The following MIS18A variants were observed in gnomAD, a reference collection of about 807,000 sequenced individuals.
The protein encoded by MIS18A is MIS18 kinetochore protein A, also known as protein Mis18-alpha.
MIS18A carries 14 observed loss-of-function variants against 25.0 expected under a neutral mutation model. The ratio of observed to expected loss-of-function variants is 0.56; its 90% confidence interval spans 0.37 to 0.88. MIS18A has a LOEUF of 0.88. Among genes scored for constraint, MIS18A ranks in the 40% least tolerant of loss-of-function variants. The probability of loss-of-function intolerance (pLI) is 0.00; values close to 1 mark genes in which losing one functional copy is unlikely to be tolerated. For synonymous variants in MIS18A, 134 were observed against 118.6 expected (o/e 1.13, Z -0.84); for missense variants, 292 against 290.8 (o/e 1.00, Z -0.03).
At chr21:32,240,581 T>G in the MIS18A span, among the ~76,000 whole-genome samples, 10 of 152,234 alleles carry the variant, frequency 6.6e-5, no homozygotes, top group African/African-American at 2.2e-4. Context: ...ACAGCCAGAC[T>G]TGGTTTCTTC....
At position 32,278,802 on chromosome 21, in the gene MIS18A, C is replaced by G; in HGVS notation, c.213G>C (p.Glu71Asp). The G allele has an allele frequency of 6.3e-7, 1 of 1,591,048 alleles. No individual in the cohort carries two copies. The highest frequency in any genetic ancestry group is 8.5e-7 in the Non-Finnish European group (1 of 1,171,716). ...VADMERAQLE[E>D]EAAAAEERPL... is the part of the protein sequence containing the mutation. ...GCCTCTCCTCCGCAGCCGCCGCCTCCTCCTCCAGCTGCGCCCTCTCCATGT... is the reference window on the plus strand; with the variant it reads ...GCCTCTCCTCCGCAGCCGCCGCCTCGTCCTCCAGCTGCGCCCTCTCCATGT... Residue 71 changes from glutamate (E) to aspartate (D), a missense_variant, in exon 1 of 5, where the codon GAG becomes GAC. Transcript: ENST00000290130.
At chr21:32,244,562 C>T in the MIS18A span, among the ~76,000 whole-genome samples, 4 of 152,110 alleles carry the variant, frequency 2.6e-5, no homozygotes, top group Non-Finnish European at 5.9e-5. Flanking sequence ...CATAGTGAAA[C>T]CTCATCTTTA....
chr21:32,174,006 C>G, the MIS18A span, among the ~76,000 whole-genome samples: 1 of 114,386 alleles, frequency 8.7e-6, no homozygotes, highest in Non-Finnish European at 1.6e-5. Flanking sequence ...CACTCTGTTA[C>G]CAGGCTGGAG....
chr21:32,256,370 C>T, the MIS18A span, among the ~76,000 whole-genome samples: 4 of 152,144 alleles, frequency 2.6e-5, no homozygotes, highest in East Asian at 1.9e-4. Flanking sequence ...CATTCCCACC[C>T]GACTCAGTTT....
the MIS18A span, among the ~76,000 whole-genome samples, chr21:32,176,410 C>T: frequency 1.3e-5 from 2 of 152,130 alleles, no homozygotes; most frequent in Non-Finnish European, 2.9e-5. Flanking sequence ...TGCAAACTAT[C>T]ATTGACCAAA....
At position 32,279,021 on chromosome 21, in the gene MIS18A, C is replaced by T; in HGVS notation, c.-7G>A. 1.3e-6 allele frequency: 2 copies of T among 1,586,438 alleles called. No homozygotes were observed. The highest frequency in any genetic ancestry group is 8.6e-7 in the Non-Finnish European group (1 of 1,166,492). On this transcript the variant is annotated 5_prime_UTR_variant, in exon 1 of 5. Transcript: ENST00000290130. ...GTGACCGAACGCCTGCCATTACCTA[C>T]AAATCGCCCGCGCCCCAGAGCGCCA... is the stretch of plus-strand genomic sequence containing the variant.
At chr21:32,196,194 G>A in the MIS18A span, among the ~76,000 whole-genome samples, 2 of 152,196 alleles carry the variant, frequency 1.3e-5, no homozygotes, top group South Asian at 2.1e-4. Flanking sequence ...TGCCACCTCC[G>A]TGTGGGTGGG....
chr21:32,174,683 A>G, the MIS18A span, among the ~76,000 whole-genome samples: 1 of 152,220 alleles, frequency 6.6e-6, no homozygotes, highest in East Asian at 1.9e-4. Context: ...AGTAAGAGTC[A>G]TTAACACACC....
At chr21:32,217,183 G>A in the MIS18A span, among the ~76,000 whole-genome samples, 1 of 151,908 alleles carries the variant, frequency 6.6e-6, no homozygotes, top group Admixed American at 6.6e-5. Context: ...ACTAGACAAG[G>A]ACTTTAAACC....
the MIS18A span, among the ~76,000 whole-genome samples, chr21:32,228,175 G>C: frequency 6.6e-6 from 1 of 152,118 alleles, no homozygotes; most frequent in African/African-American, 2.4e-5. Flanking sequence ...TGCAACCTCT[G>C]CCTCCCAGGT....
the MIS18A span, among the ~76,000 whole-genome samples, chr21:32,174,401 G>A: frequency 6.6e-6 from 1 of 152,212 alleles, no homozygotes; most frequent in African/African-American, 2.4e-5. Context: ...TGCTGACATA[G>A]CTCTCAAACA....
chr21:32,180,947 T>A, the MIS18A span, among the ~76,000 whole-genome samples: 2 of 151,804 alleles, frequency 1.3e-5, no homozygotes, highest in Admixed American at 6.6e-5. Context: ...GGGAATGTGA[T>A]GGTTAATTTT....
intron 2 of MIS18A, among the ~76,000 whole-genome samples, chr21:32,274,197 CTTTTTTTT>C (rs1184186125): frequency 1.8e-4 from 13 of 72,780 alleles, no homozygotes; most frequent in African/African-American, 4.9e-4. Flanking sequence ...TCCTTTTCTT[CTTTTTTTT>C]TTTTTTTTTT....
At chr21:32,242,465 G>C in the MIS18A span, among the ~76,000 whole-genome samples, 1 of 151,794 alleles carries the variant, frequency 6.6e-6, no homozygotes, top group East Asian at 1.9e-4. Flanking sequence ...TAGCCCATAA[G>C]TATATTTTCT....
the MIS18A span, among the ~76,000 whole-genome samples, chr21:32,165,243 G>C: frequency 6.6e-6 from 1 of 152,150 alleles, no homozygotes; most frequent in Non-Finnish European, 1.5e-5. Flanking sequence ...TGACGCAGGA[G>C]AATTGCTTGA....
the MIS18A span, among the ~76,000 whole-genome samples, chr21:32,187,356 T>C: frequency 6.6e-6 from 1 of 152,188 alleles, no homozygotes; most frequent in Non-Finnish European, 1.5e-5. Flanking sequence ...GGTGGCAGAC[T>C]GATTGTGGAT....
chr21:32,215,579 A>G, the MIS18A span, among the ~76,000 whole-genome samples: 1 of 152,130 alleles, frequency 6.6e-6, no homozygotes, highest in Non-Finnish European at 1.5e-5. Context: ...ACAAGCTGGT[A>G]TCCATCTCAG....
chr21:32,267,914 T>C (rs1299455647), downstream of MIS18A, among the ~76,000 whole-genome samples: 2 of 152,152 alleles, frequency 1.3e-5, no homozygotes, highest in African/African-American at 4.8e-5. Context: ...GTCGACAATC[T>C]CTCAGAAAGA....
the MIS18A span, among the ~76,000 whole-genome samples, chr21:32,205,350 C>T: frequency 5.3e-5 from 8 of 152,032 alleles, no homozygotes; most frequent in East Asian, 1.9e-4. Flanking sequence ...GTGATCTGCC[C>T]GCTCGGCCTC....
Sources: gnomAD v4.1 joint callset for allele counts (sites outside exome capture counted in the v4.1 genomes callset) on GRCh38, gnomAD v4.1.1 for gene constraint, MANE v1.5 for transcripts, NCBI Gene and HGNC (gene_info 2026-07-23, HGNC 2026-07-21) for gene names.